ZNF521: variants seen among roughly 807,000 people sequenced by gnomAD.
The protein encoded by ZNF521 is zinc finger protein 521, also known as LYST-interacting protein 3.
In ZNF521, 14 loss-of-function variants were observed where a neutral mutation model predicts 105.5. The observed-to-expected ratio is 0.13, with a 90% confidence interval of 0.09 to 0.21. The LOEUF is 0.21. Among genes scored for constraint, ZNF521 ranks in the 10% least tolerant of loss-of-function variants. ZNF521 has a pLI of 1.00. For synonymous variants in ZNF521, 635 were observed against 606.0 expected (o/e 1.05, Z -0.70); for missense variants, 1,233 against 1,629.7 (o/e 0.76, Z 4.19).
In ZNF521 at chr18:25,316,369, C is replaced by CAA. The variant is rs34066702; in HGVS notation, c.220+5637_220+5638dup. On this transcript the variant is annotated intron_variant, in intron 3 of 7. Coordinates refer to ENST00000361524, the MANE Select transcript of ZNF521 (RefSeq NM_015461.3). ...AGAAAAAAGTAATAAAACCAAGAGG[C>CAA]AAAAAAAAAATGTATATATAAAAAT... Among the ~76,000 whole-genome samples the CAA allele has an allele frequency of 6.2e-5, 7 of 113,344 alleles. No homozygotes were observed. The East Asian group carries it at 1.0e-3, about 17-fold the overall frequency. 74.4% of individuals were successfully genotyped at this position (113,344 alleles called of 152,430 possible).
chr18:25,150,209 T>C (rs945856739), intron 5 of ZNF521, among the ~76,000 whole-genome samples: 1 of 152,140 alleles, frequency 6.6e-6, no homozygotes, highest in African/African-American at 2.4e-5. Flanking sequence ...ATGTTCTCAC[T>C]CATAAGTGGG....
At chr18:25,318,725 T>A (rs1912772707) in intron 3 of ZNF521, among the ~76,000 whole-genome samples, 3 of 152,144 alleles carry the variant, frequency 2.0e-5, no homozygotes, top group Admixed American at 2.0e-4. Flanking sequence ...ATATGGTTTT[T>A]ATTGGATAGA....
At chr18:25,098,319 T>C (rs1024042048) in intron 5 of ZNF521, among the ~76,000 whole-genome samples, 6 of 152,172 alleles carry the variant, frequency 3.9e-5, no homozygotes, top group African/African-American at 1.4e-4. Flanking sequence ...GGCCAGTACA[T>C]TAGCTCCTCT....
intron 2 of ZNF521, among the ~76,000 whole-genome samples, 166 bp downstream of exon 2, chr18:25,350,741 A>C (rs1914708176): frequency 7.1e-6 from 1 of 141,284 alleles, no homozygotes; most frequent in African/African-American, 2.7e-5. Context: ...CCGACACCTC[A>C]CCCTCACTCC....
At chr18:25,075,634 C>A (rs2033342720) in intron 7 of ZNF521, among the ~76,000 whole-genome samples, 2 of 152,184 alleles carry the variant, frequency 1.3e-5, no homozygotes, top group South Asian at 4.1e-4. Flanking sequence ...TTACAGTTCC[C>A]ATTTACTTGG....
At position 25,224,585 on chromosome 18, in the gene ZNF521, G is replaced by C. The variant is rs34380309; in HGVS notation, c.3333C>G (p.Pro1111=). 33,617 of 1,614,050 alleles carry C rather than the reference G, an allele frequency of 0.021. 405 individuals carry two copies. The highest frequency in any genetic ancestry group is 0.037 in the South Asian group (3,332 of 91,062). ...KSASPGINVP[P]GTNRPGLGQN... ...GGCCCAAGCCTGGTCTATTCGTGCCGGGAGGGACGTTAATGCCTGGGCTGG... is the reference window on the plus strand; with the variant it reads ...GGCCCAAGCCTGGTCTATTCGTGCCCGGAGGGACGTTAATGCCTGGGCTGG... Residue 1111 remains proline, a synonymous_variant, in exon 4 of 8, where the codon CCC becomes CCG. Transcript: ENST00000361524.
chr18:25,103,409 C>G (rs868577078), intron 5 of ZNF521, among the ~76,000 whole-genome samples: 56 of 152,274 alleles, frequency 3.7e-4, no homozygotes, highest in Middle Eastern at 6.8e-3. Flanking sequence ...CTGCCTATAG[C>G]TAACTGTACT....
At position 25,199,246 on chromosome 18, in the gene ZNF521, A is replaced by C. The variant is rs55636029; in HGVS notation, c.3574-4002T>G. Among the ~76,000 whole-genome samples, 975 of 151,822 alleles carry C rather than the reference A, an allele frequency of 6.4e-3. 6 individuals are homozygous for C. Among genetic ancestry groups the C allele is most frequent in the African/African-American group, 0.021 (887 of 41,444 alleles). On this transcript the variant is annotated intron_variant, in intron 4 of 7. Coordinates refer to ENST00000361524, the MANE Select transcript of ZNF521 (RefSeq NM_015461.3). The stretch of plus-strand genomic sequence containing the variant: ...ACTATTACTATGAGGGGGAAAAAAA[A>C]CCCTCAAATCCAGAATATTCTTCAA...
At chr18:25,123,428 A>C (rs1428411206) in intron 5 of ZNF521, among the ~76,000 whole-genome samples, 3 of 152,198 alleles carry the variant, frequency 2.0e-5, no homozygotes, top group Non-Finnish European at 4.4e-5. Flanking sequence ...AATTCCGTGA[A>C]ATAAGATTAA....
chr18:25,263,058 C>T (rs1347337425), intron 3 of ZNF521, among the ~76,000 whole-genome samples: 3 of 152,166 alleles, frequency 2.0e-5, no homozygotes, highest in Non-Finnish European at 4.4e-5. Flanking sequence ...TTGGACAATT[C>T]CCAATAAACC....
At chr18:25,240,528 C>T (rs975290423) in intron 3 of ZNF521, among the ~76,000 whole-genome samples, 3 of 152,276 alleles carry the variant, frequency 2.0e-5, no homozygotes, top group East Asian at 1.9e-4. Context: ...CAGAAGCATA[C>T]GCAGCACGCA....
intron 3 of ZNF521, among the ~76,000 whole-genome samples, chr18:25,239,891 G>A (rs181951606): frequency 1.3e-5 from 2 of 151,956 alleles, no homozygotes; most frequent in Admixed American, 1.3e-4. Context: ...TGGCTACCAG[G>A]GGGTATTTTG....
rs541364657 is a variant in ZNF521, at chr18:25,111,857, C to A, written c.3659-19776G>T. ...CTTTCATAAGCCCGAGGTTTTACTG[C>A]ATCTTGAGACGAGGCAGTGGGATTC... On this transcript the variant is annotated intron_variant, in intron 5 of 7. Transcript: ENST00000361524. 1.1e-4 allele frequency among the ~76,000 whole-genome samples: 17 copies of A among 152,332 alleles called. No homozygotes were observed. In the South Asian group the frequency reaches 3.5e-3, roughly 32 times the overall value.
intron 3 of ZNF521, among the ~76,000 whole-genome samples, chr18:25,295,942 G>A (rs1911298724): frequency 6.6e-6 from 1 of 152,178 alleles, no homozygotes; most frequent in African/African-American, 2.4e-5. Context: ...CCACATCGTG[G>A]CAACACTTAC....
At chr18:25,066,670 G>A (rs1376221133) in intron 7 of ZNF521, among the ~76,000 whole-genome samples, 1 of 152,202 alleles carries the variant, frequency 6.6e-6, no homozygotes, top group Middle Eastern at 3.2e-3. Flanking sequence ...AGCAAAGAGA[G>A]GGTAGGCTCT....
intron 3 of ZNF521, among the ~76,000 whole-genome samples, chr18:25,245,938 C>T (rs1005571844): frequency 5.9e-5 from 9 of 152,158 alleles, no homozygotes; most frequent in East Asian, 1.9e-4. Context: ...CTTGAGCCCA[C>T]GAGTTTGAGG....
intron 5 of ZNF521, among the ~76,000 whole-genome samples, chr18:25,184,930 T>A (rs564955102): frequency 5.0e-4 from 76 of 152,328 alleles, no homozygotes; most frequent in South Asian, 1.0e-3. Context: ...AATCTCTGAC[T>A]TCAATCCACA....
rs915173826 is a variant in ZNF521 at position 25,195,661 on chromosome 18, T to C, written c.3574-417A>G. Among the ~76,000 whole-genome samples, 8 of 151,702 alleles carry C rather than the reference T, an allele frequency of 5.3e-5. No individual in the cohort carries two copies. In the South Asian group the frequency reaches 1.2e-3, roughly 24 times the overall value. On this transcript the variant is annotated intron_variant, in intron 4 of 7. Transcript: ENST00000361524. ...ACCAACATAACTGGGGTGTTGCTTC[T>C]AGATATCCATAAGTAATACGGCTAA...
In ZNF521 at chr18:25,224,496, G is replaced by T. The variant is rs1307830583; in HGVS notation, c.3422C>A (p.Ser1141Tyr). Residue 1141 changes from serine to tyrosine, a missense_variant, in exon 4 of 8, where the codon TCT becomes TAT. Ser to Tyr is a moderately radical substitution (Grantham distance 144, BLOSUM62 -2). Coordinates refer to ENST00000361524, the MANE Select transcript of ZNF521 (RefSeq NM_015461.3). ...AGACTCAAACTTAACGTTGCAGCTAGAGCAGCGTGTCTTCAGTCCCCCCAC... is the reference window on the plus strand; with the variant it reads ...AGACTCAAACTTAACGTTGCAGCTATAGCAGCGTGTCTTCAGTCCCCCCAC... ...GKVGGLKTRC[S>Y]SCNVKFESES... is the part of the protein sequence containing the mutation. The T allele has an allele frequency of 1.9e-6, 3 of 1,614,064 alleles. No individual in the cohort carries two copies. Among genetic ancestry groups the T allele is most frequent in the Admixed American group, 3.3e-5 (2 of 60,010 alleles).
Sources: gnomAD v4.1 joint callset for allele counts (sites outside exome capture counted in the v4.1 genomes callset) on GRCh38, gnomAD v4.1.1 for gene constraint, MANE v1.5 for transcripts, NCBI Gene and HGNC (gene_info 2026-07-23, HGNC 2026-07-21) for gene names.